RPS6KC1: variants seen among roughly 807,000 people sequenced by gnomAD.
RPS6KC1 encodes the protein ribosomal protein S6 kinase C1, also known as inactive ribosomal protein S6 kinase delta-1.
In RPS6KC1, 54 loss-of-function variants were observed where a neutral mutation model predicts 103.8. The ratio of observed to expected loss-of-function variants is 0.52; its 90% confidence interval spans 0.42 to 0.65. The LOEUF (loss-of-function observed/expected upper bound fraction) is 0.65. RPS6KC1 is among the 30% of genes least tolerant of loss of function. RPS6KC1 has a pLI of 0.00. For missense variants in RPS6KC1, 1,151 were observed against 1,253.8 expected, an observed-to-expected ratio of 0.92 and a Z score of 1.24; for synonymous variants, 439 against 438.7, an observed-to-expected ratio of 1.00 and a Z score of -0.01.
chr1:213,580,780 G>A, the RPS6KC1 span, among the ~76,000 whole-genome samples: 18 of 151,864 alleles, frequency 1.2e-4, no homozygotes, highest in East Asian at 2.7e-3. Flanking sequence ...TTGCAATGAA[G>A]TATTGTTTAA....
the RPS6KC1 span, among the ~76,000 whole-genome samples, chr1:213,672,479 A>G: frequency 1.3e-5 from 2 of 152,212 alleles, no homozygotes; most frequent in African/African-American, 4.8e-5. Context: ...GCTGAAAGTG[A>G]GACAGTGAAA....
At chr1:213,633,092 G>A in the RPS6KC1 span, among the ~76,000 whole-genome samples, 94 of 152,276 alleles carry the variant, frequency 6.2e-4, 1 homozygote, top group African/African-American at 2.0e-3. Flanking sequence ...TGAAAGTGAC[G>A]GGGAGAATGA....
chr1:213,486,303 A>G, the RPS6KC1 span, among the ~76,000 whole-genome samples: 1 of 152,260 alleles, frequency 6.6e-6, no homozygotes, highest in African/African-American at 2.4e-5. Context: ...AAATATGTAC[A>G]GATCTTTACA....
At chr1:213,709,241 CT>C in the RPS6KC1 span, among the ~76,000 whole-genome samples, 1 of 152,126 alleles carries the variant, frequency 6.6e-6, no homozygotes, top group African/African-American at 2.4e-5. Context: ...TGGTATTGAT[CT>C]ATTCGGGGAT....
At chr1:213,685,760 G>A in the RPS6KC1 span, among the ~76,000 whole-genome samples, 760 of 152,138 alleles carry the variant, frequency 5.0e-3, 9 homozygotes, top group African/African-American at 0.017. Context: ...CCAATGTAAG[G>A]GATTACTTAA....
the RPS6KC1 span, among the ~76,000 whole-genome samples, chr1:213,739,331 T>G: frequency 4.4e-3 from 672 of 152,332 alleles, 7 homozygotes; most frequent in Middle Eastern, 0.041. Context: ...GTTAATCAAC[T>G]GTTTATGTTG....
At chr1:213,614,333 C>T in the RPS6KC1 span, among the ~76,000 whole-genome samples, 15 of 152,312 alleles carry the variant, frequency 9.8e-5, no homozygotes, top group East Asian at 5.8e-4. Flanking sequence ...TGTACCACTA[C>T]GGTTTCTACA....
the RPS6KC1 span, among the ~76,000 whole-genome samples, chr1:213,402,768 A>C: frequency 2.1e-4 from 32 of 152,072 alleles, no homozygotes; most frequent in Non-Finnish European, 3.1e-4. Context: ...AGGTGTCTGA[A>C]GAGTTGAATA....
chr1:213,551,224 A>G, the RPS6KC1 span, among the ~76,000 whole-genome samples: 1 of 152,206 alleles, frequency 6.6e-6, no homozygotes, highest in Non-Finnish European at 1.5e-5. Flanking sequence ...CCATGGCCAC[A>G]GGAGAGACAG....
Position 213,241,283 on chromosome 1 carries a change from A to G in RPS6KC1, c.1807A>G (p.Ile603Val), listed in dbSNP as rs754160451. ...AAATAGCCCCATGGAATTCTTTAGG[A>G]TAGACAGTAAGGATAGCGCAAGTGA... ...SKNSPMEFFR[I>V]DSKDSASELL... Residue 603 changes from isoleucine to valine, a missense_variant, in exon 11 of 15, where the codon ATA becomes GTA. Physicochemically the swap from Ile to Val is conservative, Grantham distance 29 (BLOSUM62 3). Coordinates refer to ENST00000366960, the MANE Select transcript of RPS6KC1 (RefSeq NM_012424.6). 5 of 1,613,946 alleles carry G rather than the reference A, an allele frequency of 3.1e-6. No homozygotes were observed. The East Asian group carries it at 1.1e-4, about 36-fold the overall frequency.
chr1:213,690,755 C>A, the RPS6KC1 span, among the ~76,000 whole-genome samples: 4 of 152,164 alleles, frequency 2.6e-5, no homozygotes, highest in Non-Finnish European at 4.4e-5. Flanking sequence ...GATAAGAATA[C>A]AGTATCTATC....
the RPS6KC1 span, among the ~76,000 whole-genome samples, chr1:213,418,025 C>G: frequency 6.6e-6 from 1 of 152,142 alleles, no homozygotes; most frequent in African/African-American, 2.4e-5. Flanking sequence ...AAGGACAGAG[C>G]TCCCCATTCC....
At chr1:213,548,715 G>C in the RPS6KC1 span, among the ~76,000 whole-genome samples, 2 of 152,132 alleles carry the variant, frequency 1.3e-5, no homozygotes, top group Non-Finnish European at 2.9e-5. Context: ...GGATAATGGA[G>C]TAAGAAGTAG....
the RPS6KC1 span, among the ~76,000 whole-genome samples, chr1:213,365,836 C>T: frequency 6.6e-6 from 1 of 152,238 alleles, no homozygotes; most frequent in Non-Finnish European, 1.5e-5. Context: ...TCTGTCCTAA[C>T]TACTGGACTC....
the RPS6KC1 span, among the ~76,000 whole-genome samples, chr1:213,808,905 C>A: frequency 2.0e-5 from 3 of 152,232 alleles, no homozygotes; most frequent in Non-Finnish European, 4.4e-5. Flanking sequence ...CGGAGCTGTT[C>A]CTATTCGGCC....
At chr1:213,317,655 A>C in the RPS6KC1 span, among the ~76,000 whole-genome samples, 1 of 152,206 alleles carries the variant, frequency 6.6e-6, no homozygotes, top group Non-Finnish European at 1.5e-5. Flanking sequence ...GTGCCATATT[A>C]AATAAGTTCA....
At chr1:213,677,965 C>T in the RPS6KC1 span, among the ~76,000 whole-genome samples, 1 of 151,360 alleles carries the variant, frequency 6.6e-6, no homozygotes, top group Non-Finnish European at 1.5e-5. Context: ...AAGATTATGC[C>T]ACTGCACTCC....
the RPS6KC1 span, among the ~76,000 whole-genome samples, chr1:213,500,356 G>A: frequency 3.3e-5 from 5 of 151,986 alleles, no homozygotes; most frequent in South Asian, 2.1e-4. Context: ...CTAACGGCGC[G>A]GCCATCTCCT....
At chr1:213,820,831 G>C in the RPS6KC1 span, 1 of 152,158 alleles carries the variant, frequency 6.6e-6, no homozygotes, top group South Asian at 2.1e-4. Flanking sequence ...TTGGATGAGA[G>C]CCAACCACTC....
Sources: allele counts gnomAD v4.1 joint callset (sites outside exome capture counted in the v4.1 genomes callset), GRCh38; gene constraint gnomAD v4.1.1; transcripts MANE v1.5; gene names NCBI Gene and HGNC (gene_info 2026-07-23, HGNC 2026-07-21).